MCM8: variants seen among roughly 807,000 people sequenced by gnomAD.
MCM8 encodes DNA helicase MCM8.
Under a neutral mutation model 98.9 loss-of-function variants are expected in MCM8, and 85 were observed. That is an observed-to-expected ratio of 0.86 (90% CI 0.72 to 1.03). The LOEUF (loss-of-function observed/expected upper bound fraction) is 1.03. Ranked by LOEUF, MCM8 falls within the 50% of genes least tolerant of loss-of-function variation. The pLI, the probability that MCM8 is intolerant of heterozygous loss-of-function variation, is 0.00. For missense variants in MCM8, 951 were observed against 997.8 expected, an observed-to-expected ratio of 0.95 and a Z score of 0.63; for synonymous variants, 352 against 338.6, an observed-to-expected ratio of 1.04 and a Z score of -0.44.
At chr20:5,966,098 GTC>G (rs2122712758) in intron 8 of MCM8, among the ~76,000 whole-genome samples, 1 of 152,218 alleles carries the variant, frequency 6.6e-6, no homozygotes, top group East Asian at 1.9e-4. Flanking sequence ...AGCTATTGAA[GTC>G]TATTTGGTTT....
chr20:5,969,917 CTG>C (rs1168936408), intron 10 of MCM8, among the ~76,000 whole-genome samples: 1 of 152,168 alleles, frequency 6.6e-6, no homozygotes, highest in Admixed American at 6.5e-5. Flanking sequence ...TAAATTAAAA[CTG>C]AACATTTTTA....
At position 5,967,510 on chromosome 20, in the gene MCM8, A is replaced by G. The variant is rs140387135; in HGVS notation, c.950A>G (p.His317Arg). 23 of 1,613,914 alleles carry G rather than the reference A, an allele frequency of 1.4e-5. No homozygotes were observed. Among genetic ancestry groups the G allele is most frequent in the African/African-American group, 2.7e-5 (2 of 74,948 alleles). The stretch of plus-strand genomic sequence containing the variant: ...CGAACAATAGAATGTGAGCTTGTTC[A>G]TGATCTTGTGGATAGCTGTGTCCCG... ...IPRTIECELV[H>R]DLVDSCVPGD... Residue 317 changes from histidine (H) to arginine (R), a missense_variant, in exon 9 of 19, where the codon CAT (histidine) becomes CGT (arginine). Transcript: ENST00000610722.
chr20:5,963,264 T>TGG lies in MCM8; in HGVS notation c.790-10_790-9insGG. ...AAAATCTGAATGTGAATTACTTTTG[T>TGG]TTCATTCAGTGTCCTGTGCCTGTGT... is the stretch of plus-strand genomic sequence containing the variant. On this transcript the variant is annotated splice_polypyrimidine_tract_variant and intron_variant, in intron 7 of 18. Coordinates refer to ENST00000610722, the MANE Select transcript of MCM8 (RefSeq NM_032485.6). The TGG allele has an allele frequency of 6.2e-7, 1 of 1,607,042 alleles. No individual in the cohort carries two copies. The highest frequency in any genetic ancestry group is 8.5e-7 in the Non-Finnish European group (1 of 1,173,592).
chr20:5,953,936 G>C (rs1371134715), intron 3 of MCM8, among the ~76,000 whole-genome samples: 1 of 152,094 alleles, frequency 6.6e-6, no homozygotes, highest in East Asian at 1.9e-4. Context: ...TCTGTTTCAT[G>C]AATGATCTTT....
At chr20:5,961,386 T>G (rs1042456762) in intron 7 of MCM8, among the ~76,000 whole-genome samples, 2 of 152,206 alleles carry the variant, frequency 1.3e-5, no homozygotes, top group Non-Finnish European at 2.9e-5. Context: ...TTTGCTCATG[T>G]GAAGGGTTGA....
At chr20:5,990,347 G>C (rs973920701) in intron 17 of MCM8, among the ~76,000 whole-genome samples, 1 of 152,132 alleles carries the variant, frequency 6.6e-6, no homozygotes, top group Non-Finnish European at 1.5e-5. Context: ...AAAGTGCTGG[G>C]ATTACAGGTG....
At position 5,950,708 on chromosome 20, in the gene MCM8, A is replaced by G; in HGVS notation, c.-321A>G. The G allele has an allele frequency of 3.4e-6, 1 of 294,692 alleles. No individual in the cohort carries two copies. The highest frequency in any genetic ancestry group is 6.4e-6 in the Non-Finnish European group (1 of 157,110). The allele number at this position is 294,692 out of a possible 1,614,324, so 18.3% of individuals were successfully genotyped here. ...AAAAAAGAATTTAGGGGAAGACCTG[A>G]TTTTCGCTTGAGGCATTTTTGCGGC... On this transcript the variant is annotated 5_prime_UTR_variant, in exon 1 of 19. Coordinates refer to ENST00000610722, the MANE Select transcript of MCM8 (RefSeq NM_032485.6).
intron 12 of MCM8, among the ~76,000 whole-genome samples, chr20:5,975,497 CT>C (rs11476043): frequency 0.27 from 34,209 of 128,320 alleles, 5,854 homozygotes; most frequent in African/African-American, 0.58. Context: ...TTTTTTTGCT[CT>C]TTTTTTTTTT....
chr20:5,970,534 C>T (rs1159473738), intron 10 of MCM8, among the ~76,000 whole-genome samples: 1 of 152,142 alleles, frequency 6.6e-6, no homozygotes, highest in African/African-American at 2.4e-5. Context: ...TATTAAACAC[C>T]TCAGCACTTC....
At chr20:5,967,705 T>C (rs2089305948) in intron 9 of MCM8, 118 bp downstream of exon 9, 13 of 1,378,882 alleles carry the variant, frequency 9.4e-6, no homozygotes, top group East Asian at 4.6e-5. Flanking sequence ...TTACATAAGA[T>C]GAAACATTCC....
chr20:5,961,728 C>A (rs949554186), intron 7 of MCM8, among the ~76,000 whole-genome samples: 1 of 152,140 alleles, frequency 6.6e-6, no homozygotes, highest in Non-Finnish European at 1.5e-5. Context: ...CAGCCTTGAC[C>A]TCCTTAAATC....
intron 11 of MCM8, chr20:5,972,806 A>G (rs1252355679): frequency 1.4e-6 from 2 of 1,427,264 alleles, no homozygotes; most frequent in Non-Finnish European, 1.8e-6. Context: ...TGTGGAATGG[A>G]TTTATGCCTT....
In MCM8 at chr20:5,994,482, C is replaced by A. The variant is rs11546315; in HGVS notation, c.*91C>A. 3.2e-6 allele frequency: 1 copy of A among 314,890 alleles called. No homozygotes were observed. 19.5% of individuals were successfully genotyped at this position (314,890 alleles called of 1,614,324 possible). ...GCGTGCACGCACAGACAGACAGACACACACACACACACACACACACACACA... is the reference window on the plus strand; with the variant it reads ...GCGTGCACGCACAGACAGACAGACAAACACACACACACACACACACACACA... On this transcript the variant is annotated 3_prime_UTR_variant, in exon 19 of 19. Transcript: ENST00000610722.
chr20:5,956,834 G>A (rs1007687067), intron 5 of MCM8, among the ~76,000 whole-genome samples: 2 of 151,860 alleles, frequency 1.3e-5, no homozygotes, highest in Admixed American at 6.6e-5. Flanking sequence ...GTATCAAGAG[G>A]TGATGGTTTT....
At chr20:5,963,787 C>T (rs746443015) in intron 8 of MCM8, among the ~76,000 whole-genome samples, 1 of 152,168 alleles carries the variant, frequency 6.6e-6, no homozygotes, top group Non-Finnish European at 1.5e-5. Context: ...CTGCCCGCCT[C>T]AGCCTCCCAA....
chr20:5,998,195 C>T lies in MCM8; in HGVS notation c.*3804C>T, dbSNP rs1476445499. On this transcript the variant is annotated 3_prime_UTR_variant, in exon 19 of 19. Coordinates refer to ENST00000610722, the MANE Select transcript of MCM8 (RefSeq NM_032485.6). ...CCAAAGAGGTGGATAAATGTAGATACAATGATACGGTGATTTGGTATTCAG... is the reference window on the plus strand; with the variant it reads ...CCAAAGAGGTGGATAAATGTAGATATAATGATACGGTGATTTGGTATTCAG... 3 of 152,176 alleles carry T rather than the reference C, an allele frequency of 2.0e-5. No homozygotes were observed. The highest frequency in any genetic ancestry group is 2.9e-5 in the Non-Finnish European group (2 of 68,046). 9.4% of individuals were successfully genotyped at this position (152,176 alleles called of 1,614,324 possible). A position where few individuals can be genotyped will look rare whatever the true frequency, so the allele number is the denominator to read the frequency against.
At chr20:5,976,207 A>G (rs1272907713) in intron 12 of MCM8, among the ~76,000 whole-genome samples, 1 of 152,116 alleles carries the variant, frequency 6.6e-6, no homozygotes, top group Non-Finnish European at 1.5e-5. Flanking sequence ...TGGGAGAATC[A>G]CTTGAGCCTA....
rs202218207 is a variant in MCM8, at chr20:5,952,523, C to T, written c.248C>T (p.Ser83Phe). 30 of 1,612,616 alleles carry T rather than the reference C, an allele frequency of 1.9e-5. No homozygotes were observed. The African/African-American group carries it at 2.8e-4, about 15-fold the overall frequency. Residue 83 changes from serine to phenylalanine, a missense_variant, in exon 3 of 19, where the codon TCT becomes TTT. Transcript: ENST00000610722. ...TATAAAGGCTGGAAGCTTTATTTCT[C>T]TGAAGGTAGGGTTTAAAAAGTACAA... is the stretch of plus-strand genomic sequence containing the variant. ...IPYKGWKLYF[S>F]EVYSDSSPLI...
intron 13 of MCM8, among the ~76,000 whole-genome samples, chr20:5,979,810 T>A (rs562156299): frequency 6.6e-6 from 1 of 152,358 alleles, no homozygotes; most frequent in Non-Finnish European, 1.5e-5. Flanking sequence ...AAAAATTAGA[T>A]TGTGTTACTC....
Sources: allele counts gnomAD v4.1 joint callset (sites outside exome capture counted in the v4.1 genomes callset), GRCh38; gene constraint gnomAD v4.1.1; transcripts MANE v1.5; gene names NCBI Gene and HGNC (gene_info 2026-07-23, HGNC 2026-07-21).